CPA6: variants seen among roughly 807,000 people sequenced by gnomAD.
The protein encoded by CPA6 is carboxypeptidase B.
CPA6 carries 58 observed loss-of-function variants against 63.3 expected under a neutral mutation model. The ratio of observed to expected loss-of-function variants is 0.92; its 90% CI spans 0.74 to 1.14. CPA6 has a LOEUF of 1.14. Ranked by LOEUF, CPA6 falls within the 50% of genes most tolerant of loss-of-function variation. The pLI is 0.00. For missense variants in CPA6, 565 were observed against 526.6 expected (o/e 1.07, Z -0.71); for synonymous variants, 185 against 179.0 (o/e 1.03, Z -0.27).
At chr8:67,504,407 T>A (rs770870931) in intron 6 of CPA6, among the ~76,000 whole-genome samples, 1 of 152,220 alleles carries the variant, frequency 6.6e-6, no homozygotes. Flanking sequence ...GAAGAAAATA[T>A]GGCAAAAGTG....
intron 2 of CPA6, among the ~76,000 whole-genome samples, chr8:67,559,275 T>C (rs117890633): frequency 0.013 from 1,976 of 152,286 alleles, 20 homozygotes; most frequent in Non-Finnish European, 0.019. Context: ...ATCTAGACTG[T>C]TCAGGGAATG....
chr8:67,710,510 A>T (rs989820443), intron 1 of CPA6, among the ~76,000 whole-genome samples: 1 of 148,314 alleles, frequency 6.7e-6, no homozygotes, highest in Non-Finnish European at 1.5e-5. Context: ...TCTGTCTGCT[A>T]TCTGGCATGT....
intron 1 of CPA6, among the ~76,000 whole-genome samples, chr8:67,722,366 A>G (rs564986754): frequency 1.3e-5 from 2 of 152,218 alleles, no homozygotes; most frequent in Non-Finnish European, 2.9e-5. Flanking sequence ...AATTCAGTAC[A>G]TCTGGGGCAA....
chr8:67,483,308 C>G (rs1008643845), intron 8 of CPA6: 2 of 156,128 alleles, frequency 1.3e-5, no homozygotes, highest in Non-Finnish European at 2.8e-5. Context: ...AAATACATTC[C>G]CAATGTGCAT....
chr8:67,568,108 C>T (rs1470259434), intron 2 of CPA6, among the ~76,000 whole-genome samples: 9 of 152,252 alleles, frequency 5.9e-5, no homozygotes, highest in South Asian at 2.1e-4. Context: ...GGGGTCAGTA[C>T]GAGCTGGCCC....
rs1243829223 is a variant in CPA6 at position 67,464,275 on chromosome 8, G to A, written c.838+19493C>T. On this transcript the variant is annotated intron_variant, in intron 8 of 10. Coordinates refer to ENST00000297770, the MANE Select transcript of CPA6 (RefSeq NM_020361.5). ...TTACTCTGATGATTAGTGATATGGA[G>A]CATTTTTTCATATGTTTGTTGGCTG... 2.0e-5 allele frequency among the ~76,000 whole-genome samples: 3 copies of A among 152,088 alleles called. No individual in the cohort carries two copies. The East Asian group carries it at 5.8e-4, about 29-fold the overall frequency.
At chr8:67,735,677 C>CTTTTTTTTTTTTT (rs199533677) in intron 1 of CPA6, 3 of 145,184 alleles carry the variant, frequency 2.1e-5, no homozygotes, top group Non-Finnish European at 3.0e-5. Context: ...TAGTGGCAGT[C>CTTTTTTTTTTTTT]TTTTTTTTTT....
At chr8:67,725,619 C>G (rs1817582841) in intron 1 of CPA6, among the ~76,000 whole-genome samples, 1 of 152,124 alleles carries the variant, frequency 6.6e-6, no homozygotes, top group South Asian at 2.1e-4. Context: ...CTCGTGGGTT[C>G]AAGAGATCCT....
intron 9 of CPA6, 135 bp from the exon 10 acceptor site, chr8:67,428,266 A>G: frequency 3.6e-6 from 2 of 549,748 alleles, no homozygotes; most frequent in South Asian, 4.7e-5. Flanking sequence ...ATAATATTAT[A>G]TTACTCTTAT....
At chr8:67,488,773 CT>C (rs1811541348) in intron 6 of CPA6, among the ~76,000 whole-genome samples, 1 of 152,150 alleles carries the variant, frequency 6.6e-6, no homozygotes, top group Admixed American at 6.5e-5. Flanking sequence ...CTTCACATCC[CT>C]TGTGAGTTGT....
chr8:67,478,758 T>C (rs891784754), intron 8 of CPA6, among the ~76,000 whole-genome samples: 2 of 152,202 alleles, frequency 1.3e-5, no homozygotes, highest in African/African-American at 4.8e-5. Context: ...CACCCCTGGC[T>C]GGGCATGGTG....
intron 6 of CPA6, among the ~76,000 whole-genome samples, chr8:67,489,819 A>G (rs1250952578): frequency 1.3e-5 from 2 of 152,152 alleles, no homozygotes; most frequent in African/African-American, 4.8e-5. Flanking sequence ...TTTCTCTTAC[A>G]TGCTGTCAAT....
At chr8:67,462,479 G>A (rs1449153200) in intron 8 of CPA6, among the ~76,000 whole-genome samples, 1 of 152,134 alleles carries the variant, frequency 6.6e-6, no homozygotes, top group Non-Finnish European at 1.5e-5. Context: ...GAATATCCTT[G>A]TACCTATATT....
At chr8:67,675,715 CT>C (rs1816456606) in intron 1 of CPA6, among the ~76,000 whole-genome samples, 1 of 152,222 alleles carries the variant, frequency 6.6e-6, no homozygotes, top group African/African-American at 2.4e-5. Flanking sequence ...GTGGAGGGGG[CT>C]TTTTGCAAGC....
chr8:67,704,297 C>CAAG (rs1412097562), intron 1 of CPA6, among the ~76,000 whole-genome samples: 1 of 152,178 alleles, frequency 6.6e-6, no homozygotes, highest in Non-Finnish European at 1.5e-5. Flanking sequence ...CAATACGCGT[C>CAAG]AAGACCTTCA....
chr8:67,552,633 C>A (rs184058341), intron 2 of CPA6, among the ~76,000 whole-genome samples: 1 of 151,560 alleles, frequency 6.6e-6, no homozygotes, highest in Non-Finnish European at 1.5e-5. Context: ...ATTAGCTGGA[C>A]GTGGTGGCAC....
chr8:67,590,632 A>T (rs1395999705), intron 2 of CPA6, among the ~76,000 whole-genome samples: 1 of 152,186 alleles, frequency 6.6e-6, no homozygotes, highest in African/African-American at 2.4e-5. Context: ...CATTTCTCTA[A>T]TGGCCAGTGA....
intron 1 of CPA6, among the ~76,000 whole-genome samples, chr8:67,625,965 G>A (rs192057831): frequency 2.0e-5 from 3 of 152,270 alleles, no homozygotes; most frequent in Admixed American, 6.5e-5. Context: ...TTTTCCCCTT[G>A]TTGTTCTCGT....
intron 1 of CPA6, among the ~76,000 whole-genome samples, chr8:67,640,399 G>A (rs372963618): frequency 1.5e-4 from 22 of 151,632 alleles, no homozygotes; most frequent in East Asian, 7.8e-4. Context: ...GCAGGGAGCT[G>A]GCGTGTTAGC....
Sources: allele counts gnomAD v4.1 joint callset (sites outside exome capture counted in the v4.1 genomes callset), GRCh38; gene constraint gnomAD v4.1.1; transcripts MANE v1.5; gene names NCBI Gene and HGNC (gene_info 2026-07-23, HGNC 2026-07-21).